L3MBTL2: variants seen among roughly 807,000 people sequenced by gnomAD.
The protein encoded by L3MBTL2 is lethal(3)malignant brain tumor-like protein 2.
A neutral mutation model predicts 86.4 loss-of-function variants in L3MBTL2; 49 were observed. The ratio of observed to expected loss-of-function variants is 0.57; its 90% CI spans 0.45 to 0.72. The LOEUF (loss-of-function observed/expected upper bound fraction) is 0.72. Ranked by LOEUF, L3MBTL2 falls within the 30% of genes least tolerant of loss-of-function variation. The pLI, the probability that L3MBTL2 is intolerant of heterozygous loss-of-function variation, is 0.00. For missense variants in L3MBTL2, 755 were observed against 923.7 expected (o/e 0.82, Z 2.37); for synonymous variants, 336 against 350.6 (o/e 0.96, Z 0.47).
intron 3 of L3MBTL2, among the ~76,000 whole-genome samples, chr22:41,214,926 G>A (rs1212180981): frequency 2.0e-5 from 3 of 152,130 alleles, no homozygotes; most frequent in Non-Finnish European, 4.4e-5. Flanking sequence ...CAGGAGAATC[G>A]CTTGAACTTG....
Position 41,221,227 on chromosome 22 carries a change from G to T in L3MBTL2, c.882G>T (p.Lys294Asn), listed in dbSNP as rs2031794447. The change falls in exon 8 of 17, where the codon AAG becomes AAT. Residue 294 changes from lysine (K) to asparagine (N), a missense_variant. By Grantham distance (94) the Lys-to-Asn change is moderately conservative. Transcript: ENST00000216237. ...RTIHAKFTDW[K>N]GYLMKRLVGS... ...TCCATGCCAAGTTCACCGACTGGAA[G>T]GGCTACCTCATGAAACGGCTGGTGG... The T allele has an allele frequency of 1.9e-6, 3 of 1,551,204 alleles. No individual in the cohort carries two copies. Among genetic ancestry groups the T allele is most frequent in the Non-Finnish European group, 2.6e-6 (3 of 1,146,594 alleles).
In L3MBTL2 at chr22:41,229,574, C is replaced by T. The variant is rs776940912; in HGVS notation, c.1923C>T (p.Leu641=). The change falls in exon 16 of 17, where the codon CTC becomes CTT. Residue 641 remains leucine, a synonymous_variant. Transcript: ENST00000216237. ...TCCCGCCCACTAAGACGCGACCCCTCAGACAGGGGTCCAAGAAGCCCCTGC... is the reference window on the plus strand; with the variant it reads ...TCCCGCCCACTAAGACGCGACCCCTTAGACAGGGGTCCAAGAAGCCCCTGC... The part of the protein sequence containing the change: ...KRIPPTKTRP[L]RQGSKKPLLE... The T allele has an allele frequency of 1.2e-6, 2 of 1,613,272 alleles. No individual in the cohort carries two copies. The highest frequency in any genetic ancestry group is 1.1e-5 in the South Asian group (1 of 91,068).
chr22:41,224,725 A>G lies in L3MBTL2; in HGVS notation c.1175A>G (p.Glu392Gly). Residue 392 changes from glutamate to glycine, a missense_variant and splice_region_variant, in exon 10 of 17, where the codon GAG (glutamate) becomes GGG (glycine). Glu to Gly is a moderately conservative substitution (Grantham distance 98, BLOSUM62 -2). Coordinates refer to ENST00000216237, the MANE Select transcript of L3MBTL2 (RefSeq NM_031488.5). This position sits in a 1 kb window ranked among gnomAD's most constrained non-coding sequence, Gnocchi z 4.9. The part of the protein sequence containing the change: ...RRVGHGIKMS[E>G]RRSDMAHHPT... ...CATTCCCTATCCATCTCCTCCAAAG[A>G]GAGGCGAAGTGACATGGCCCATCAC... is the stretch of plus-strand genomic sequence containing the variant. 1 of 1,612,400 alleles carries G rather than the reference A, an allele frequency of 6.2e-7. No homozygotes were observed. Among genetic ancestry groups the G allele is most frequent in the Admixed American group, 1.7e-5 (1 of 60,016 alleles).
intron 1 of L3MBTL2, 197 bp from the exon 2 acceptor site, chr22:41,209,499 T>G: frequency 1.7e-6 from 1 of 573,274 alleles, no homozygotes. Context: ...ACACATATTT[T>G]CTGTCTTGTT....
In L3MBTL2 at chr22:41,225,919, C is replaced by T. The variant is rs1329526836; in HGVS notation, c.1482C>T (p.Asp494=). The T allele has an allele frequency of 6.2e-7, 1 of 1,613,964 alleles. No individual in the cohort carries two copies. The highest frequency in any genetic ancestry group is 8.5e-7 in the Non-Finnish European group (1 of 1,180,022). ...CGGCCACCTTCTGTCAGAAGAATGACATTGAGCTCACACCGCCAAAAGGTA... is the reference window on the plus strand; with the variant it reads ...CGGCCACCTTCTGTCAGAAGAATGATATTGAGCTCACACCGCCAAAAGGTA... ...IFPATFCQKN[D]IELTPPKGYE... The change falls in exon 12 of 17, where the codon GAC becomes GAT. Residue 494 remains aspartate (D), a synonymous_variant. Transcript: ENST00000216237. The surrounding 1 kb of genome is among the most constrained non-coding windows in gnomAD (Gnocchi z 4.1).
At position 41,224,031 on chromosome 22, in the gene L3MBTL2, C is replaced by T. The variant is rs763676319; in HGVS notation, c.954C>T (p.Ser318=). The T allele has an allele frequency of 6.2e-7, 1 of 1,614,034 alleles. No individual in the cohort carries two copies. Residue 318 remains serine, a synonymous_variant, in exon 9 of 17, where the codon AGC becomes AGT. Transcript: ENST00000216237. This position sits in a 1 kb window ranked among gnomAD's most constrained non-coding sequence, Gnocchi z 4.9. Reference sequence around the variant, plus strand: ...TGACGTCGTTTCAGATGGTGGAGAGCATGAAGTACCCCTTTAGGCAGGGCA... The same window carrying T: ...TGACGTCGTTTCAGATGGTGGAGAGTATGAAGTACCCCTTTAGGCAGGGCA... ...PVDFHIKMVE[S]MKYPFRQGMR...
At position 41,220,749 on chromosome 22, in the gene L3MBTL2, T is replaced by C; in HGVS notation, c.734T>C (p.Leu245Pro). Reference protein sequence around the residue: ...VIQTAGYRVLLRYEGFENDAS... With the variant: ...VIQTAGYRVLPRYEGFENDAS... The stretch of plus-strand genomic sequence containing the variant: ...TTCCTTTCAGGGTATCGGGTGCTGC[T>C]TCGGTATGAAGGCTTTGAAAATGAC... Residue 245 changes from leucine to proline, a missense_variant, in exon 7 of 17, where the codon CTT becomes CCT. This residue lies in a region of L3MBTL2 where 634 missense variants were observed against 748.9 expected (regional missense o/e 0.85). Transcript: ENST00000216237. The C allele has an allele frequency of 6.2e-7, 1 of 1,613,032 alleles. No homozygotes were observed. The highest frequency in any genetic ancestry group is 2.2e-5 in the East Asian group (1 of 44,814).
intron 1 of L3MBTL2, 111 bp downstream of exon 1, chr22:41,205,497 T>C: frequency 7.8e-7 from 1 of 1,286,872 alleles, no homozygotes. Context: ...GGTGGGAGGA[T>C]GGATAAACTG....
rs776539879 is a variant in L3MBTL2 at position 41,230,219 on chromosome 22, G to C, written c.2086G>C (p.Val696Leu). The C allele has an allele frequency of 2.5e-6, 4 of 1,608,268 alleles. No homozygotes were observed. Among genetic ancestry groups the C allele is most frequent in the South Asian group, 2.2e-5 (2 of 90,918 alleles). The change falls in exon 17 of 17, where the codon GTC (valine) becomes CTC (leucine). Residue 696 changes from valine (V) to leucine (L), a missense_variant. Val to Leu is a conservative substitution (Grantham distance 32, BLOSUM62 1). Around this residue, in one of 3 missense-constraint regions of L3MBTL2, gnomAD observed 634 missense variants for 748.9 expected, o/e 0.85. Transcript: ENST00000216237. ...KASSPELPVS[V>L]ENIKQETDD ...TTCAAGTCCAGAGCTGCCTGTCTCC[G>C]TCGAGAACATCAAGCAGGAAACAGA...
At chr22:41,214,420 G>A in intron 3 of L3MBTL2, 2 of 160,188 alleles carry the variant, frequency 1.2e-5, no homozygotes, top group Non-Finnish European at 2.7e-5. Flanking sequence ...CCATGTCACA[G>A]GCAGCTACCT....
chr22:41,229,392 T>G, intron 15 of L3MBTL2, 148 bp from the exon 16 acceptor site: 1 of 768,644 alleles, frequency 1.3e-6, no homozygotes, highest in South Asian at 1.9e-5. Flanking sequence ...CAATAAGATG[T>G]GTTGTCAGAG....
At chr22:41,208,759 T>G (rs2030457135) in intron 1 of L3MBTL2, among the ~76,000 whole-genome samples, 1 of 152,190 alleles carries the variant, frequency 6.6e-6, no homozygotes, top group Non-Finnish European at 1.5e-5. Context: ...TTGTTTTTCT[T>G]TTTGAGACAG....
Position 41,225,755 on chromosome 22 carries a change from CATGAT to C in L3MBTL2, c.1357-33_1357-29del. 6.3e-7 allele frequency: 1 copy of C among 1,587,482 alleles called. No individual in the cohort carries two copies. Among genetic ancestry groups the C allele is most frequent in the Non-Finnish European group, 8.6e-7 (1 of 1,161,042 alleles). On this transcript the variant is annotated intron_variant, in intron 11 of 16. Transcript: ENST00000216237. This position sits in a 1 kb window ranked among gnomAD's most constrained non-coding sequence, Gnocchi z 4.1. ...TACCAACCCAGGATGGGGTGCAGTTCATGATATGATCTGTCTGCCTGCTCCCCCCA... is the reference window on the plus strand; with the variant it reads ...TACCAACCCAGGATGGGGTGCAGTTCATGATCTGTCTGCCTGCTCCCCCCA...
At chr22:41,218,005 C>A in intron 5 of L3MBTL2, 1 of 152,278 alleles carries the variant, frequency 6.6e-6, no homozygotes. Flanking sequence ...CTCTTTTTTG[C>A]CCTGAATTCT....
chr22:41,217,016 G>A (rs2031432432), intron 4 of L3MBTL2, 107 bp from the exon 5 acceptor site: 8 of 788,026 alleles, frequency 1.0e-5, no homozygotes, highest in African/African-American at 1.7e-5. Context: ...GGGGCTGCTG[G>A]GGGTGGGGGA....
Position 41,227,025 on chromosome 22 carries a change from C to A in L3MBTL2, c.1588-64C>A. The A allele has an allele frequency of 7.0e-7, 1 of 1,430,430 alleles. No individual in the cohort carries two copies. Among genetic ancestry groups the A allele is most frequent in the Non-Finnish European group, 9.6e-7 (1 of 1,045,992 alleles). The allele number at this position is 1,430,430 out of a possible 1,614,324, so 88.6% of individuals were successfully genotyped here. On this transcript the variant is annotated intron_variant, in intron 13 of 16. Coordinates refer to ENST00000216237, the MANE Select transcript of L3MBTL2 (RefSeq NM_031488.5). The surrounding 1 kb of genome is among the most constrained non-coding windows in gnomAD (Gnocchi z 6.0). ...GCCAGTTCTTCAAGTGCCTCCGGGC[C>A]GGGGCAAGCCTGCTGGGGTAGGGAG... is the stretch of plus-strand genomic sequence containing the variant.
chr22:41,225,804 A>G lies in L3MBTL2; in HGVS notation c.1367A>G (p.Asp456Gly). 6.2e-7 allele frequency: 1 copy of G among 1,611,816 alleles called. No homozygotes were observed. Among genetic ancestry groups the G allele is most frequent in the Non-Finnish European group, 8.5e-7 (1 of 1,178,264 alleles). The change falls in exon 12 of 17, where the codon GAT becomes GGT. Residue 456 changes from aspartate (D) to glycine (G), a missense_variant. By Grantham distance (94) the Asp-to-Gly change is moderately conservative. Coordinates refer to ENST00000216237, the MANE Select transcript of L3MBTL2 (RefSeq NM_031488.5). This position sits in a 1 kb window ranked among gnomAD's most constrained non-coding sequence, Gnocchi z 4.1. ...CCCCCCACCCCCCAGGTTCTCCTGG[A>G]TGGATACCTGATGATCTGTGTGGAC... ...CVATVCKVLL[D>G]GYLMICVDGG...
Position 41,217,159 on chromosome 22 carries a change from A to G in L3MBTL2, c.557A>G (p.Lys186Arg), listed in dbSNP as rs764867743. 8.7e-6 allele frequency: 14 copies of G among 1,613,828 alleles called. No homozygotes were observed. The East Asian group carries it at 2.9e-4, about 33-fold the overall frequency. ...GGCTTCGACTGGGGGAAGTTCCTGA[A>G]GGATCACAGTTACAAGGCTGCTCCC... ...VLGFDWGKFL[K>R]DHSYKAAPVS... Residue 186 changes from lysine (K) to arginine (R), a missense_variant, in exon 5 of 17, where the codon AAG becomes AGG. Lys to Arg is a conservative substitution (Grantham distance 26). Transcript: ENST00000216237.
chr22:41,225,854 G>A lies in L3MBTL2; in HGVS notation c.1417G>A (p.Asp473Asn), dbSNP rs1418814699. 4.3e-6 allele frequency: 7 copies of A among 1,614,000 alleles called. No homozygotes were observed. Among genetic ancestry groups the A allele is most frequent in the Non-Finnish European group, 5.9e-6 (7 of 1,180,026 alleles). Residue 473 changes from aspartate (D) to asparagine (N), a missense_variant, in exon 12 of 17, where the codon GAC becomes AAC. By Grantham distance (23) the Asp-to-Asn change is conservative. Transcript: ENST00000216237. This position sits in a 1 kb window ranked among gnomAD's most constrained non-coding sequence, Gnocchi z 4.1. ...CGGGGGGCCCTCCACAGATGGCTTGGACTGGTTCTGCTACCATGCCTCTTC... is the reference window on the plus strand; with the variant it reads ...CGGGGGGCCCTCCACAGATGGCTTGAACTGGTTCTGCTACCATGCCTCTTC... ...VDGGPSTDGL[D>N]WFCYHASSHA... is the part of the protein sequence containing the mutation.
Sources: gnomAD v4.1 joint callset for allele counts (sites outside exome capture counted in the v4.1 genomes callset) on GRCh38, gnomAD v4.1.1 for gene constraint, gnomAD v4.1.1 regional missense constraint, Gnocchi (gnomAD v3.1) non-coding constraint, MANE v1.5 for transcripts, NCBI Gene and HGNC (gene_info 2026-07-23, HGNC 2026-07-21) for gene names.